The following COPG2 variants were observed in gnomAD, a reference collection of about 807,000 sequenced individuals.
COPG2 encodes coatomer subunit gamma-2.
In COPG2, 37 loss-of-function variants were observed where a neutral mutation model predicts 46.3. The observed-to-expected ratio is 0.80, with a 90% CI of 0.61 to 1.05. The LOEUF is 1.05. Ranked by LOEUF, COPG2 falls within the 50% of genes least tolerant of loss-of-function variation. The pLI, the probability that COPG2 is intolerant of heterozygous loss-of-function variation, is 0.00. For missense variants in COPG2, 427 were observed against 387.8 expected (o/e 1.10, Z -0.85); for synonymous variants, 159 against 129.7 (o/e 1.23, Z -1.53).
At chr7:130,508,024 A>G (rs1554440471) in intron 21 of COPG2, 1 of 540,760 alleles carries the variant, frequency 1.8e-6, no homozygotes, top group Admixed American at 3.3e-5. Flanking sequence ...AGAGCCTCAG[A>G]TCAACATCTG....
chr7:130,641,256 C>T (rs887002437), intron 5 of COPG2, among the ~76,000 whole-genome samples: 3 of 151,422 alleles, frequency 2.0e-5, no homozygotes, highest in African/African-American at 7.3e-5. Context: ...AAGTCAGTAC[C>T]TATAATGACA....
intron 7 of COPG2, among the ~76,000 whole-genome samples, chr7:130,612,460 G>A (rs1794869668): frequency 6.6e-6 from 1 of 152,130 alleles, no homozygotes; most frequent in African/African-American, 2.4e-5. Flanking sequence ...AGCTGGGAGA[G>A]GTGTGTAAAA....
rs964709697 is a variant in COPG2 at position 130,543,878 on chromosome 7, G to A, written c.2149+3796C>T. On this transcript the variant is annotated intron_variant, in intron 20 of 23. Transcript: ENST00000425248. ...GGGTATCAAATAGGTTAGAAAGATG[G>A]CTTGAAAGGAAATGAGGGAAATTTC... is the stretch of plus-strand genomic sequence containing the variant. Among the ~76,000 whole-genome samples, 997 of 152,256 alleles carry A rather than the reference G, an allele frequency of 6.5e-3. 8 individuals are homozygous for A. The highest frequency in any genetic ancestry group is 0.014 in the Middle Eastern group (4 of 294).
intron 20 of COPG2, among the ~76,000 whole-genome samples, chr7:130,519,864 GA>G: frequency 6.6e-6 from 1 of 152,308 alleles, no homozygotes; most frequent in East Asian, 1.9e-4. Context: ...ACTGTATACA[GA>G]ATGAGAAAAG....
chr7:130,641,821 G>A (rs1170368377), intron 5 of COPG2, among the ~76,000 whole-genome samples: 5 of 152,166 alleles, frequency 3.3e-5, no homozygotes, highest in African/African-American at 1.2e-4. Context: ...TCCTTAGGAA[G>A]CACAAAGTAT....
At chr7:130,635,134 G>A (rs565303996) in intron 5 of COPG2, among the ~76,000 whole-genome samples, 51 of 150,046 alleles carry the variant, frequency 3.4e-4, no homozygotes, top group African/African-American at 9.6e-4. Context: ...GAGGATTTTC[G>A]CATCGATGTT....
At chr7:130,531,910 G>T (rs1490595276) in intron 20 of COPG2, among the ~76,000 whole-genome samples, 2 of 152,136 alleles carry the variant, frequency 1.3e-5, no homozygotes, top group Non-Finnish European at 2.9e-5. Context: ...ATCATCTGAG[G>T]GGTAAGCAGT....
At chr7:130,513,301 AAAAAAAAATATATATATAT>A (rs1174984356) in intron 20 of COPG2, among the ~76,000 whole-genome samples, 1 of 45,030 alleles carries the variant, frequency 2.2e-5, no homozygotes, top group African/African-American at 1.1e-4. Flanking sequence ...AAAAAAAAAA[AAAAAAAAATATATATATAT>A]ATATATATAT....
At chr7:130,526,501 G>A (rs1003083764) in intron 20 of COPG2, among the ~76,000 whole-genome samples, 3 of 151,968 alleles carry the variant, frequency 2.0e-5, no homozygotes, top group Non-Finnish European at 4.4e-5. Flanking sequence ...GCAGCGCAAC[G>A]GGGGAGTCAC....
At chr7:130,508,804 G>A in intron 20 of COPG2, 145 bp from the exon 21 acceptor site, 1 of 616,446 alleles carries the variant, frequency 1.6e-6, no homozygotes, top group African/African-American at 1.8e-5. Context: ...CTCAAAAGCA[G>A]CCTACAAGCG....
At chr7:130,662,138 T>G (rs940332973) in intron 4 of COPG2, among the ~76,000 whole-genome samples, 5 of 152,196 alleles carry the variant, frequency 3.3e-5, no homozygotes, top group Non-Finnish European at 7.3e-5. Flanking sequence ...TTATCCCATA[T>G]GTGAGGAAAT....
At chr7:130,566,574 G>A (rs893983315) in intron 9 of COPG2, among the ~76,000 whole-genome samples, 2 of 152,226 alleles carry the variant, frequency 1.3e-5, no homozygotes, top group Non-Finnish European at 2.9e-5. Context: ...CAGGTTTTAT[G>A]TCCAGCATAA....
chr7:130,525,905 C>T (rs1363369362), intron 20 of COPG2, among the ~76,000 whole-genome samples: 2 of 151,592 alleles, frequency 1.3e-5, no homozygotes, highest in African/African-American at 4.9e-5. Context: ...GTCTTAAATT[C>T]TACACACGGG....
chr7:130,545,378 C>T (rs1271253322), intron 20 of COPG2, among the ~76,000 whole-genome samples: 7 of 151,758 alleles, frequency 4.6e-5, no homozygotes, highest in Non-Finnish European at 5.9e-5. Flanking sequence ...TTTTTCACTG[C>T]GATTATAAGG....
chr7:130,626,574 A>C (rs1795124967), intron 5 of COPG2, among the ~76,000 whole-genome samples: 1 of 151,992 alleles, frequency 6.6e-6, no homozygotes, highest in South Asian at 2.1e-4. Flanking sequence ...TCTATAAGAG[A>C]GAGCGCTCCT....
intron 20 of COPG2, among the ~76,000 whole-genome samples, chr7:130,531,274 C>T (rs1316264637): frequency 6.6e-6 from 1 of 151,828 alleles, no homozygotes; most frequent in African/African-American, 2.4e-5. Context: ...TATATATGTT[C>T]AGGGTTGAGG....
intron 20 of COPG2, among the ~76,000 whole-genome samples, chr7:130,532,200 A>T (rs1424189210): frequency 6.6e-6 from 1 of 152,216 alleles, no homozygotes; most frequent in African/African-American, 2.4e-5. Context: ...GGATGACAGC[A>T]AACAAATGGA....
chr7:130,598,654 C>T (rs1794574617), intron 9 of COPG2, among the ~76,000 whole-genome samples: 1 of 152,178 alleles, frequency 6.6e-6, no homozygotes, highest in African/African-American at 2.4e-5. Flanking sequence ...CTGCATGAGG[C>T]CCTAACTGGG....
chr7:130,590,743 T>C (rs1320503157), intron 9 of COPG2, among the ~76,000 whole-genome samples: 5 of 149,956 alleles, frequency 3.3e-5, no homozygotes, highest in Admixed American at 2.6e-4. Context: ...GGAGCCTCTC[T>C]GCCTGGCTGC....
Sources: allele counts gnomAD v4.1 joint callset (sites outside exome capture counted in the v4.1 genomes callset), GRCh38; gene constraint gnomAD v4.1.1; transcripts MANE v1.5; gene names NCBI Gene and HGNC (gene_info 2026-07-23, HGNC 2026-07-21).